The following OPCML variants were observed in gnomAD, a reference collection of about 807,000 sequenced individuals.
OPCML encodes the protein opioid-binding protein/cell adhesion molecule.
A neutral mutation model predicts 37.8 loss-of-function variants in OPCML; 13 were observed. The ratio of observed to expected loss-of-function variants is 0.34; its 90% confidence interval spans 0.22 to 0.55. The LOEUF (loss-of-function observed/expected upper bound fraction) is 0.55. OPCML is among the 20% of genes least tolerant of loss of function. The pLI, the probability that OPCML is intolerant of heterozygous loss-of-function variation, is 0.91. For synonymous variants in OPCML, 176 were observed against 168.8 expected (o/e 1.04, Z -0.33); for missense variants, 341 against 435.6 (o/e 0.78, Z 1.93).
In OPCML at chr11:133,174,281, C is replaced by T. The variant is rs1205526061; in HGVS notation, c.62-231271G>A. Among the ~76,000 whole-genome samples, 1 of 152,140 alleles carries T rather than the reference C, an allele frequency of 6.6e-6. No individual in the cohort carries two copies. Among genetic ancestry groups the T allele is most frequent in the Non-Finnish European group, 1.5e-5 (1 of 68,026 alleles). Reference sequence around the variant, plus strand: ...ATTAGAACCAAGCCTTCCTGCCAAACGTAGAGACCTGGAGAGAGAGGACAG... The same window carrying T: ...ATTAGAACCAAGCCTTCCTGCCAAATGTAGAGACCTGGAGAGAGAGGACAG... On this transcript the variant is annotated intron_variant, in intron 1 of 7. Transcript: ENST00000524381. The surrounding 1 kb of genome is among the most constrained non-coding windows in gnomAD (Gnocchi z 4.6).
chr11:133,341,018 TC>T (rs1486652686), intron 1 of OPCML, among the ~76,000 whole-genome samples: 1 of 151,808 alleles, frequency 6.6e-6, no homozygotes, highest in Non-Finnish European at 1.5e-5. Context: ...CTTCTTCTCT[TC>T]TTCTTCACAG....
At chr11:132,833,351 C>T (rs1449333875) in intron 2 of OPCML, among the ~76,000 whole-genome samples, 1 of 152,138 alleles carries the variant, frequency 6.6e-6, no homozygotes, top group Admixed American at 6.5e-5. Context: ...AGGATGATCA[C>T]TATCACTGTC....
At chr11:133,259,142 T>G (rs1253931755) in intron 1 of OPCML, among the ~76,000 whole-genome samples, 2 of 152,146 alleles carry the variant, frequency 1.3e-5, no homozygotes, top group Admixed American at 6.5e-5. Flanking sequence ...GGTAGGAGAA[T>G]TGAGGTGCAG....
rs370820925 is a variant in OPCML at position 133,192,853 on chromosome 11, G to A, written c.62-249843C>T. 9.4e-5 allele frequency among the ~76,000 whole-genome samples: 14 copies of A among 149,688 alleles called. No individual in the cohort carries two copies. In the East Asian group the frequency reaches 9.8e-4, roughly 11 times the overall value. ...TCCAATCAACAGCATTAGTTGCTTC[G>A]TGTTTTCTTTTCTTTTCTTTTTTTT... On this transcript the variant is annotated intron_variant, in intron 1 of 7. Coordinates refer to ENST00000524381, the MANE Select transcript of OPCML (RefSeq NM_001012393.5).
chr11:132,444,913 C>T (rs1487989466), intron 4 of OPCML, among the ~76,000 whole-genome samples: 1 of 152,186 alleles, frequency 6.6e-6, no homozygotes, highest in East Asian at 1.9e-4. Flanking sequence ...TGTGATAAAC[C>T]CACTGTTTCA....
chr11:133,422,502 A>C, intron 1 of OPCML: 1 of 982,376 alleles, frequency 1.0e-6, no homozygotes, highest in Non-Finnish European at 1.2e-6. Flanking sequence ...GCTAGGAACC[A>C]CTCATTTCTG....
At chr11:132,890,856 CAA>C (rs57246769) in intron 2 of OPCML, among the ~76,000 whole-genome samples, 10 of 46,468 alleles carry the variant, frequency 2.2e-4, no homozygotes, top group Non-Finnish European at 1.9e-4. Flanking sequence ...GACTCCATCT[CAA>C]AAAAAAAAAA....
intron 1 of OPCML, among the ~76,000 whole-genome samples, chr11:133,226,641 G>A (rs947336243): frequency 2.0e-5 from 3 of 152,164 alleles, no homozygotes; most frequent in African/African-American, 7.2e-5. Context: ...AAATTAAATG[G>A]CAAGCAAGCC....
chr11:132,866,547 T>A (rs563987014), intron 2 of OPCML, among the ~76,000 whole-genome samples: 1 of 152,358 alleles, frequency 6.6e-6, no homozygotes, highest in African/African-American at 2.4e-5. Context: ...ATCATCATAA[T>A]CGACAAGGAA....
At chr11:132,504,743 G>A (rs1236300406) in intron 4 of OPCML, among the ~76,000 whole-genome samples, 1 of 152,148 alleles carries the variant, frequency 6.6e-6, no homozygotes. Context: ...CACAGGGTAA[G>A]CGTGGCCTTT....
intron 4 of OPCML, among the ~76,000 whole-genome samples, chr11:132,480,229 C>G (rs1382703488): frequency 2.6e-5 from 4 of 152,078 alleles, no homozygotes; most frequent in Non-Finnish European, 5.9e-5. Flanking sequence ...AATGCAGAAG[C>G]CTCAGGAGCC....
chr11:132,778,727 C>T (rs193044493), intron 2 of OPCML, among the ~76,000 whole-genome samples: 6 of 152,068 alleles, frequency 3.9e-5, no homozygotes, highest in South Asian at 2.1e-4. Flanking sequence ...TCCAGTTCCG[C>T]GAAGTCATTT....
chr11:133,089,145 C>G (rs908220130), intron 1 of OPCML, among the ~76,000 whole-genome samples: 9 of 152,158 alleles, frequency 5.9e-5, no homozygotes, highest in Non-Finnish European at 1.2e-4. Context: ...TTGAGCCAGT[C>G]TTTCTGATAA....
rs1565469123 is a variant in OPCML at position 133,141,032 on chromosome 11, ACGACGACGAC to A, written c.62-198032_62-198023del. ...GACGACGACGACGACGACGACGACG[ACGACGACGAC>A]GACGACGAAGAAGAAGAAGAAGAAG... is the stretch of plus-strand genomic sequence containing the variant. On this transcript the variant is annotated intron_variant, in intron 1 of 7. Transcript: ENST00000524381. Among the ~76,000 whole-genome samples, 3 of 26,594 alleles carry A rather than the reference ACGACGACGAC, an allele frequency of 1.1e-4. 1 individual carries two copies. Among genetic ancestry groups the A allele is most frequent in the African/African-American group, 2.1e-4 (3 of 14,588 alleles). The allele number at this position is 26,594 out of a possible 152,430, so 17.4% of individuals were successfully genotyped here. A position where few individuals can be genotyped will look rare whatever the true frequency, so the allele number is the denominator to read the frequency against.
intron 1 of OPCML, among the ~76,000 whole-genome samples, chr11:133,183,031 T>C (rs1281452803): frequency 1.3e-5 from 2 of 152,012 alleles, no homozygotes; most frequent in Non-Finnish European, 2.9e-5. Context: ...GGTGAGCTGG[T>C]GGAGGTTATA....
intron 4 of OPCML, among the ~76,000 whole-genome samples, chr11:132,449,434 C>A (rs555325203): frequency 6.6e-6 from 1 of 152,200 alleles, no homozygotes; most frequent in South Asian, 2.1e-4. Flanking sequence ...CATTTTCATG[C>A]GTCTGAGGGT....
chr11:133,042,775 C>A (rs978949235), intron 1 of OPCML, among the ~76,000 whole-genome samples: 1 of 152,094 alleles, frequency 6.6e-6, no homozygotes, highest in African/African-American at 2.4e-5. Context: ...AACACTGGAA[C>A]CCTCAGCTAC....
At chr11:132,551,180 G>T (rs1460749104) in intron 3 of OPCML, among the ~76,000 whole-genome samples, 1 of 152,178 alleles carries the variant, frequency 6.6e-6, no homozygotes, top group East Asian at 1.9e-4. Flanking sequence ...GCAACACTAA[G>T]AAGCTGTCTG....
At chr11:133,477,569 T>C (rs1947271452) in intron 1 of OPCML, among the ~76,000 whole-genome samples, 1 of 152,152 alleles carries the variant, frequency 6.6e-6, no homozygotes, top group Admixed American at 6.6e-5. Flanking sequence ...TTTTTTTTCT[T>C]TTAGAGTAGA....
Sources: allele counts gnomAD v4.1 joint callset (sites outside exome capture counted in the v4.1 genomes callset), GRCh38; gene constraint gnomAD v4.1.1; non-coding constraint Gnocchi (gnomAD v3.1); transcripts MANE v1.5; gene names NCBI Gene and HGNC (gene_info 2026-07-23, HGNC 2026-07-21).